Variants in TSHZ2 observed in about 807,000 individuals in gnomAD.
TSHZ2 encodes teashirt zinc finger homeobox 2.
TSHZ2 carries 21 observed loss-of-function variants against 74.4 expected under a neutral mutation model. That is an observed-to-expected ratio of 0.28 (90% confidence interval 0.20 to 0.41). The LOEUF (loss-of-function observed/expected upper bound fraction) is 0.41. Among genes scored for constraint, TSHZ2 ranks in the 10% least tolerant of loss-of-function variants. The pLI, the probability that TSHZ2 is intolerant of heterozygous loss-of-function variation, is 1.00. For missense variants in TSHZ2, 1,244 were observed against 1,293.5 expected (o/e 0.96, Z 0.59); for synonymous variants, 540 against 515.3 (o/e 1.05, Z -0.65).
chr20:53,348,108 C>T (rs1980508364), intron 2 of TSHZ2, among the ~76,000 whole-genome samples: 1 of 152,120 alleles, frequency 6.6e-6, no homozygotes, highest in Non-Finnish European at 1.5e-5. Context: ...ATAAGATAAA[C>T]ATGAAGTGAC....
intron 2 of TSHZ2, among the ~76,000 whole-genome samples, chr20:53,345,883 C>T (rs1487692870): frequency 1.3e-5 from 2 of 152,040 alleles, no homozygotes; most frequent in Non-Finnish European, 1.5e-5. Flanking sequence ...CCGCTGACCA[C>T]GAGGCACCGG....
At chr20:53,275,789 C>T (rs1210588830) in intron 2 of TSHZ2, among the ~76,000 whole-genome samples, 6 of 152,028 alleles carry the variant, frequency 3.9e-5, no homozygotes, top group African/African-American at 9.7e-5. Context: ...TAGCCAGGCG[C>T]GGTGGCACAT....
At chr20:53,370,488 T>G (rs1981427480) in intron 2 of TSHZ2, among the ~76,000 whole-genome samples, 1 of 152,212 alleles carries the variant, frequency 6.6e-6, no homozygotes, top group South Asian at 2.1e-4. Context: ...AGGCCAGGCA[T>G]TGTGGCTCAC....
rs1227979654 is a variant in TSHZ2, at chr20:53,495,172, T to G, written c.*8037T>G. ...AGAAGAAAAAAAACACAGATGCACT[T>G]AAAACATGAAAAGAATTATTTATAT... On this transcript the variant is annotated 3_prime_UTR_variant, in exon 3 of 3. Transcript: ENST00000371497. 1 of 152,192 alleles carries G rather than the reference T, an allele frequency of 6.6e-6. No individual in the cohort carries two copies. The highest frequency in any genetic ancestry group is 1.9e-4 in the East Asian group (1 of 5,202). 9.4% of individuals were successfully genotyped at this position (152,192 alleles called of 1,614,324 possible).
At position 53,254,517 on chromosome 20, in the gene TSHZ2, G is replaced by C; in HGVS notation, c.1059G>C (p.Gln353His). 1 of 1,614,126 alleles carries C rather than the reference G, an allele frequency of 6.2e-7. No homozygotes were observed. The highest frequency in any genetic ancestry group is 1.1e-5 in the South Asian group (1 of 91,074). ...CTTCTCAGAAGAACGCCAACTTGCA[G>C]TTGTCCTCCAACAACCGCTATGGCT... is the stretch of plus-strand genomic sequence containing the variant. ...SFSSQKNANL[Q>H]LSSNNRYGYQ... is the part of the protein sequence containing the mutation. The change falls in exon 2 of 3, where the codon CAG becomes CAC. Residue 353 changes from glutamine (Q) to histidine (H), a missense_variant. Physicochemically the swap from Gln to His is conservative, Grantham distance 24. Transcript: ENST00000371497.
chr20:53,473,427 C>T (rs1031608678), intron 2 of TSHZ2, among the ~76,000 whole-genome samples: 2 of 140,758 alleles, frequency 1.4e-5, no homozygotes. Flanking sequence ...GGTATTCCAA[C>T]AGACCTGTGG....
chr20:53,039,761 C>T (rs978803806), intron 1 of TSHZ2, among the ~76,000 whole-genome samples: 2 of 138,040 alleles, frequency 1.4e-5, no homozygotes, highest in African/African-American at 5.7e-5. Context: ...GCCTGGGTGA[C>T]AGAGCTAGAC....
At chr20:53,030,956 A>T (rs1294331322) in intron 1 of TSHZ2, among the ~76,000 whole-genome samples, 1 of 152,220 alleles carries the variant, frequency 6.6e-6, no homozygotes, top group Admixed American at 6.5e-5. Flanking sequence ...TATGGATAGG[A>T]CATATTTATT....
intron 2 of TSHZ2, among the ~76,000 whole-genome samples, chr20:53,426,952 C>T (rs971576439): frequency 5.3e-5 from 8 of 152,240 alleles, no homozygotes; most frequent in African/African-American, 1.9e-4. Context: ...CCTATTTAGC[C>T]GTGATTTTTG....
intron 2 of TSHZ2, among the ~76,000 whole-genome samples, chr20:53,334,789 T>C (rs1193311484): frequency 6.6e-6 from 1 of 152,100 alleles, no homozygotes; most frequent in Non-Finnish European, 1.5e-5. Context: ...GTTCAAGCGA[T>C]TCTCTTGCCT....
At position 53,255,343 on chromosome 20, in the gene TSHZ2, A is replaced by G. The variant is rs1990443459; in HGVS notation, c.1885A>G (p.Ser629Gly). 1.2e-6 allele frequency: 2 copies of G among 1,614,024 alleles called. No homozygotes were observed. Among genetic ancestry groups the G allele is most frequent in the African/African-American group, 1.3e-5 (1 of 74,928 alleles). ...CGAAGAGGCCTCATCTTTCAGCCAC[A>G]GTGAGGGCGATTCTTTCCGCAAAAG... Reference protein sequence around the residue: ...PHEEASSFSHSEGDSFRKSET... With the variant: ...PHEEASSFSHGEGDSFRKSET... Residue 629 changes from serine to glycine, a missense_variant, in exon 2 of 3, where the codon AGT becomes GGT. Coordinates refer to ENST00000371497, the MANE Select transcript of TSHZ2 (RefSeq NM_173485.6). The surrounding 1 kb of genome is among the most constrained non-coding windows in gnomAD (Gnocchi z 4.1).
chr20:53,143,200 C>T (rs1987451421), intron 1 of TSHZ2, among the ~76,000 whole-genome samples: 2 of 152,190 alleles, frequency 1.3e-5, no homozygotes, highest in African/African-American at 4.8e-5. Context: ...CTCACAGACC[C>T]CGACAGGCTT....
At chr20:53,071,733 T>C (rs1985180919) in intron 1 of TSHZ2, among the ~76,000 whole-genome samples, 1 of 152,192 alleles carries the variant, frequency 6.6e-6, no homozygotes, top group African/African-American at 2.4e-5. Flanking sequence ...TTATTGCTTA[T>C]CCAAGATCTT....
chr20:53,131,982 G>A (rs962211867), intron 1 of TSHZ2, among the ~76,000 whole-genome samples: 2 of 152,124 alleles, frequency 1.3e-5, no homozygotes. Context: ...AGAGTAGAGG[G>A]AAAGAGACAG....
intron 2 of TSHZ2, among the ~76,000 whole-genome samples, chr20:53,349,469 C>T (rs1980561397): frequency 6.6e-6 from 1 of 151,638 alleles, no homozygotes; most frequent in African/African-American, 2.4e-5. Context: ...CTGGGTGACA[C>T]GGTGAGACCC....
At chr20:53,131,079 TAAG>T (rs1025378340) in intron 1 of TSHZ2, among the ~76,000 whole-genome samples, 18 of 152,262 alleles carry the variant, frequency 1.2e-4, no homozygotes, top group African/African-American at 4.1e-4. Flanking sequence ...GGAAGAAAAA[TAAG>T]AACATGAGGA....
chr20:53,277,894 T>C (rs2145429892), intron 2 of TSHZ2, among the ~76,000 whole-genome samples: 1 of 152,314 alleles, frequency 6.6e-6, no homozygotes, highest in Non-Finnish European at 1.5e-5. Context: ...GATGTCATTG[T>C]TGCTTGGGGA....
intron 1 of TSHZ2, among the ~76,000 whole-genome samples, chr20:53,016,212 C>T (rs1367442622): frequency 6.6e-6 from 1 of 152,148 alleles, no homozygotes; most frequent in Admixed American, 6.5e-5. Context: ...TTTTCCAATT[C>T]AATCATTCAG....
intron 2 of TSHZ2, among the ~76,000 whole-genome samples, chr20:53,391,873 G>A (rs915930520): frequency 4.6e-5 from 7 of 152,182 alleles, no homozygotes; most frequent in African/African-American, 1.4e-4. Flanking sequence ...AACCTGGGAG[G>A]CAGAGGTTGC....
Sources: gnomAD v4.1 joint callset for allele counts (sites outside exome capture counted in the v4.1 genomes callset) on GRCh38, gnomAD v4.1.1 for gene constraint, Gnocchi (gnomAD v3.1) non-coding constraint, MANE v1.5 for transcripts, NCBI Gene and HGNC (gene_info 2026-07-23, HGNC 2026-07-21) for gene names.